The following FRMD3 variants were observed in gnomAD, a reference collection of about 807,000 sequenced individuals.
FRMD3 encodes FERM domain containing 3.
A neutral mutation model predicts 70.2 loss-of-function variants in FRMD3; 33 were observed. The ratio of observed to expected loss-of-function variants is 0.47; its 90% CI spans 0.36 to 0.63. The LOEUF is 0.63. Among genes scored for constraint, FRMD3 ranks in the 20% least tolerant of loss-of-function variants. The pLI, the probability that FRMD3 is intolerant of heterozygous loss-of-function variation, is 0.00. For missense variants in FRMD3, 632 were observed against 711.4 expected, an observed-to-expected ratio of 0.89 and a Z score of 1.27; for synonymous variants, 279 against 255.9, an observed-to-expected ratio of 1.09 and a Z score of -0.86.
intron 1 of FRMD3, among the ~76,000 whole-genome samples, chr9:83,458,460 G>A (rs959393697): frequency 6.6e-5 from 10 of 152,192 alleles, no homozygotes; most frequent in African/African-American, 1.9e-4. Flanking sequence ...CAATAAGGCC[G>A]ATGAGGATTA....
At chr9:83,568,917 AAGATAGAT>A in the FRMD3 span, among the ~76,000 whole-genome samples, 426 of 143,494 alleles carry the variant, frequency 3.0e-3, 1 homozygote, top group African/African-American at 4.4e-3. Context: ...CTTGTTAGAA[AAGATAGAT>A]AGATAGATAG....
chr9:83,554,352 A>C, the FRMD3 span, among the ~76,000 whole-genome samples: 4 of 152,010 alleles, frequency 2.6e-5, no homozygotes, highest in Non-Finnish European at 5.9e-5. Context: ...CTCTGGTGTG[A>C]TCTCAGTGTT....
chr9:83,533,795 T>C (rs1203430538), intron 1 of FRMD3, among the ~76,000 whole-genome samples: 2 of 152,248 alleles, frequency 1.3e-5, no homozygotes, highest in Non-Finnish European at 2.9e-5. Flanking sequence ...ATTGTGTTCC[T>C]ACTGTATGCA....
rs138376485 is a variant in FRMD3, at chr9:83,475,087, A to C, written c.147+62998T>G. Among the ~76,000 whole-genome samples, 315 of 152,256 alleles carry C rather than the reference A, an allele frequency of 2.1e-3. 3 individuals carry two copies. Among genetic ancestry groups the C allele is most frequent in the African/African-American group, 7.5e-3 (311 of 41,558 alleles). On this transcript the variant is annotated intron_variant, in intron 1 of 13. Coordinates refer to ENST00000304195, the MANE Select transcript of FRMD3 (RefSeq NM_174938.6). ...CCATCAAGAGCCTCCATCATTTTTT[A>C]TTTACAGTGCCCAACATTCAATTAA...
At chr9:83,522,623 T>G (rs1292396731) in intron 1 of FRMD3, among the ~76,000 whole-genome samples, 2 of 150,248 alleles carry the variant, frequency 1.3e-5, no homozygotes, top group Admixed American at 6.6e-5. Context: ...GAGTGCAGTG[T>G]AGCGATCTCG....
chr9:83,475,696 G>C (rs552030860), intron 1 of FRMD3, among the ~76,000 whole-genome samples: 29 of 152,174 alleles, frequency 1.9e-4, no homozygotes, highest in Non-Finnish European at 3.8e-4. Context: ...AGAGTTTAGA[G>C]ATCACTTTAC....
intron 5 of FRMD3, among the ~76,000 whole-genome samples, chr9:83,337,761 C>G (rs1437555699): frequency 6.6e-6 from 1 of 152,094 alleles, no homozygotes; most frequent in Non-Finnish European, 1.5e-5. Context: ...AAGTATATAA[C>G]CAGGAGGAAA....
intron 1 of FRMD3, among the ~76,000 whole-genome samples, chr9:83,429,583 C>T (rs1196461687): frequency 6.6e-6 from 1 of 152,170 alleles, no homozygotes; most frequent in African/African-American, 2.4e-5. Flanking sequence ...ACGTCCTTGC[C>T]ACCTTCTCAT....
chr9:83,438,413 T>TTTTGTTTTG (rs10651216), intron 1 of FRMD3, among the ~76,000 whole-genome samples: 16,885 of 151,014 alleles, frequency 0.11, 1,124 homozygotes, highest in African/African-American at 0.16. Context: ...GAGAGTTTTT[T>TTTTGTTTTG]TTTTGTTTTG....
chr9:83,420,979 C>G (rs1260290334), intron 1 of FRMD3, among the ~76,000 whole-genome samples: 1 of 104,854 alleles, frequency 9.5e-6, no homozygotes, highest in East Asian at 2.4e-4. Flanking sequence ...CTCGCTCTGT[C>G]GCCCAGGCTG....
intron 1 of FRMD3, among the ~76,000 whole-genome samples, chr9:83,527,460 C>T (rs1274225380): frequency 6.6e-6 from 1 of 152,056 alleles, no homozygotes; most frequent in African/African-American, 2.4e-5. Flanking sequence ...AAGAAATGCG[C>T]CCAGTGAGGC....
chr9:83,472,204 GA>G (rs1234134428), intron 1 of FRMD3, among the ~76,000 whole-genome samples: 3 of 152,142 alleles, frequency 2.0e-5, no homozygotes, highest in Non-Finnish European at 4.4e-5. Context: ...GGAAAAGCTG[GA>G]GTCAACAACG....
intron 3 of FRMD3, among the ~76,000 whole-genome samples, chr9:83,362,175 TTCTCTCTCTCTCTCTC>T (rs67469418): frequency 5.4e-5 from 8 of 146,922 alleles, no homozygotes; most frequent in Admixed American, 2.0e-4. Context: ...ATGCTGTTGG[TTCTCTCTCTCTCTCTC>T]TCTCTCTCTC....
At chr9:83,451,465 G>A (rs979816935) in intron 1 of FRMD3, among the ~76,000 whole-genome samples, 3 of 151,478 alleles carry the variant, frequency 2.0e-5, no homozygotes, top group Admixed American at 1.3e-4. Context: ...ATTTTAATGG[G>A]CAGCAATGAT....
At chr9:83,320,141 C>CT (rs540869826) in intron 6 of FRMD3, among the ~76,000 whole-genome samples, 19 of 151,378 alleles carry the variant, frequency 1.3e-4, no homozygotes, top group Admixed American at 2.0e-4. Flanking sequence ...ACTTGGATGT[C>CT]TTTTTTTTTC....
intron 1 of FRMD3, among the ~76,000 whole-genome samples, chr9:83,484,589 TTTA>T (rs935872924): frequency 1.7e-4 from 26 of 152,146 alleles, no homozygotes; most frequent in African/African-American, 6.0e-4. Flanking sequence ...GGCTAAATTT[TTTA>T]TTTTTAGTAG....
chr9:83,256,458 G>A (rs538873192), intron 13 of FRMD3, among the ~76,000 whole-genome samples: 2 of 152,148 alleles, frequency 1.3e-5, no homozygotes, highest in Non-Finnish European at 2.9e-5. Flanking sequence ...ACATAGGCAT[G>A]GGCAAAGATT....
chr9:83,246,382 C>T lies in FRMD3; in HGVS notation c.*1536G>A, dbSNP rs189011116. The T allele has an allele frequency of 5.2e-5, 51 of 984,586 alleles. No homozygotes were observed. Among genetic ancestry groups the T allele is most frequent in the African/African-American group, 7.0e-5 (4 of 57,180 alleles). The allele number at this position is 984,586 out of a possible 1,614,324, so 61.0% of individuals were successfully genotyped here. A position where few individuals can be genotyped will look rare whatever the true frequency, so the allele number is the denominator to read the frequency against. ...TGATGGTACAATGCTCTAGTACCTT[C>T]CTTGATACCATTAAATTGTTGGATT... On this transcript the variant is annotated 3_prime_UTR_variant, in exon 14 of 14. Coordinates refer to ENST00000304195, the MANE Select transcript of FRMD3 (RefSeq NM_174938.6).
chr9:83,443,371 A>G lies in FRMD3; in HGVS notation c.148-53663T>C, dbSNP rs146821277. Among the ~76,000 whole-genome samples the G allele has an allele frequency of 2.0e-5, 3 of 152,202 alleles. No homozygotes were observed. The East Asian group carries it at 5.8e-4, about 29-fold the overall frequency. On this transcript the variant is annotated intron_variant, in intron 1 of 13. Transcript: ENST00000304195. ...TGTTCTCATTGTTCAATTCCCACCT[A>G]TGAGTGAGAACATGCGGTGTTTGGT...
Sources: allele counts gnomAD v4.1 joint callset (sites outside exome capture counted in the v4.1 genomes callset), GRCh38; gene constraint gnomAD v4.1.1; transcripts MANE v1.5; gene names NCBI Gene and HGNC (gene_info 2026-07-23, HGNC 2026-07-21).